BST1: variants seen among roughly 807,000 people sequenced by gnomAD.
BST1 encodes the protein bone marrow stromal cell antigen 1, also known as ADP-ribosyl cyclase/cyclic ADP-ribose hydrolase 2.
Under a neutral mutation model 40.6 loss-of-function variants are expected in BST1, and 49 were observed. That is an observed-to-expected ratio of 1.21 (90% CI 0.96 to 1.53). The LOEUF (loss-of-function observed/expected upper bound fraction) is 1.53, where lower values mean the gene tolerates loss of function less well. BST1 is among the 40% of genes most tolerant of loss of function. The pLI is 0.00. For missense variants in BST1, 423 were observed against 395.9 expected (o/e 1.07, Z -0.58); for synonymous variants, 157 against 159.3 (o/e 0.99, Z 0.11).
the BST1 span, among the ~76,000 whole-genome samples, chr4:15,744,933 C>T: frequency 6.6e-6 from 1 of 152,168 alleles, no homozygotes; most frequent in Non-Finnish European, 1.5e-5. Flanking sequence ...CACTTCTAGA[C>T]ATGCTAAAAT....
At chr4:15,757,347 G>A in the BST1 span, among the ~76,000 whole-genome samples, 1 of 152,152 alleles carries the variant, frequency 6.6e-6, no homozygotes, top group South Asian at 2.1e-4. Context: ...AAGAACCCAG[G>A]AGGGTGGAGG....
the BST1 span, among the ~76,000 whole-genome samples, chr4:15,769,557 G>T: frequency 6.6e-6 from 1 of 152,146 alleles, no homozygotes; most frequent in Non-Finnish European, 1.5e-5. Context: ...GAGCTAGTGG[G>T]GGTGGAGAGC....
the BST1 span, among the ~76,000 whole-genome samples, chr4:15,758,104 C>A: frequency 6.6e-6 from 1 of 151,922 alleles, no homozygotes; most frequent in African/African-American, 2.4e-5. Context: ...TTAAATTAAG[C>A]TAGTTAACAT....
chr4:15,727,290 C>G (rs545555529), intron 8 of BST1, among the ~76,000 whole-genome samples: 2 of 152,200 alleles, frequency 1.3e-5, no homozygotes, highest in Non-Finnish European at 2.9e-5. Context: ...AGTTCCTGAC[C>G]TGTTCTTCCC....
the BST1 span, among the ~76,000 whole-genome samples, chr4:15,773,055 T>G: frequency 6.6e-6 from 1 of 152,188 alleles, no homozygotes; most frequent in Non-Finnish European, 1.5e-5. Flanking sequence ...GACTGTGGTA[T>G]AGACAATACA....
At chr4:15,773,817 AAAAC>A in the BST1 span, among the ~76,000 whole-genome samples, 5,713 of 152,178 alleles carry the variant, frequency 0.038, 339 homozygotes, top group African/African-American at 0.13. Flanking sequence ...AAACAAAACA[AAAAC>A]AAACAAACAA....
At chr4:15,736,846 T>C (rs1280563910), downstream of BST1, among the ~76,000 whole-genome samples, 1 of 152,182 alleles carries the variant, frequency 6.6e-6, no homozygotes, top group Non-Finnish European at 1.5e-5. Flanking sequence ...CTTTACCTCT[T>C]TGTCTTTGTG....
At chr4:15,756,839 C>G in the BST1 span, among the ~76,000 whole-genome samples, 1 of 152,130 alleles carries the variant, frequency 6.6e-6, no homozygotes, top group African/African-American at 2.4e-5. Context: ...TGCACCACCT[C>G]AAAACATACT....
At chr4:15,710,721 T>G (rs553510297) in intron 3 of BST1, among the ~76,000 whole-genome samples, 1 of 152,320 alleles carries the variant, frequency 6.6e-6, no homozygotes, top group Admixed American at 6.5e-5. Context: ...CTTGACATAA[T>G]GTCCTCCAGG....
At chr4:15,725,929 C>G (rs1323995744) in intron 8 of BST1, among the ~76,000 whole-genome samples, 1 of 146,208 alleles carries the variant, frequency 6.8e-6, no homozygotes, top group Non-Finnish European at 1.5e-5. Flanking sequence ...TCTGACTGAC[C>G]TACTTGTGAA....
At chr4:15,722,766 AT>A in intron 7 of BST1, 108 bp from the exon 8 acceptor site, 1 of 865,502 alleles carries the variant, frequency 1.2e-6, no homozygotes. Context: ...TTTGTGTATT[AT>A]TTGAGGTCAG....
At chr4:15,712,001 C>T (rs1479902590) in intron 4 of BST1, 112 bp downstream of exon 4, 2 of 831,126 alleles carry the variant, frequency 2.4e-6, no homozygotes, top group Non-Finnish European at 2.0e-6. Context: ...CTGAGCCTCA[C>T]TTTCCACTTT....
chr4:15,740,955 A>G (rs546287876), downstream of BST1, among the ~76,000 whole-genome samples: 13 of 152,022 alleles, frequency 8.6e-5, no homozygotes, highest in African/African-American at 3.1e-4. Flanking sequence ...AGGGGTCCAC[A>G]GGGTTCATTA....
At chr4:15,760,290 G>A in the BST1 span, among the ~76,000 whole-genome samples, 6 of 151,354 alleles carry the variant, frequency 4.0e-5, no homozygotes, top group African/African-American at 7.3e-5. Context: ...ATAATATTCC[G>A]CTGTGTGGGC....
chr4:15,707,861 A>C (rs376072804), intron 3 of BST1, among the ~76,000 whole-genome samples: 2,399 of 129,282 alleles, frequency 0.019, 52 homozygotes, highest in African/African-American at 0.048. Context: ...CTCTCTATAT[A>C]TATATATATA....
intron 8 of BST1, 147 bp from the exon 9 acceptor site, chr4:15,731,593 T>C (rs1161364612): frequency 1.7e-6 from 2 of 1,170,244 alleles, no homozygotes; most frequent in Admixed American, 3.9e-5. Context: ...GCGCACCGCC[T>C]CCTACGGGGT....
chr4:15,768,070 C>G, the BST1 span, among the ~76,000 whole-genome samples: 1 of 152,178 alleles, frequency 6.6e-6, no homozygotes, highest in African/African-American at 2.4e-5. Context: ...TACCTTTCAG[C>G]ACAGACTTAA....
chr4:15,754,712 T>C, the BST1 span, among the ~76,000 whole-genome samples: 3 of 152,354 alleles, frequency 2.0e-5, no homozygotes, highest in East Asian at 3.9e-4. Flanking sequence ...TAGATTTGTT[T>C]TAGTTTACAT....
At chr4:15,773,351 G>C in the BST1 span, among the ~76,000 whole-genome samples, 2,010 of 152,352 alleles carry the variant, frequency 0.013, 54 homozygotes, top group African/African-American at 0.046. Context: ...GTTTGACAGA[G>C]AAAGATTAAA....
Sources: gnomAD v4.1 joint callset for allele counts (sites outside exome capture counted in the v4.1 genomes callset) on GRCh38, gnomAD v4.1.1 for gene constraint, MANE v1.5 for transcripts, NCBI Gene and HGNC (gene_info 2026-07-23, HGNC 2026-07-21) for gene names.